The following LARP1 variants were observed in gnomAD, a reference collection of about 807,000 sequenced individuals.
The protein encoded by LARP1 is la-related protein 1.
LARP1 carries 36 observed loss-of-function variants against 122.7 expected under a neutral mutation model. The ratio of observed to expected loss-of-function variants is 0.29; its 90% confidence interval spans 0.22 to 0.39. The LOEUF (loss-of-function observed/expected upper bound fraction) is 0.39, where lower values mean the gene tolerates loss of function less well. Among genes scored for constraint, LARP1 ranks in the 10% least tolerant of loss-of-function variants. The pLI is 1.00. For synonymous variants in LARP1, 539 were observed against 528.7 expected (o/e 1.02, Z -0.27); for missense variants, 1,040 against 1,403.6 (o/e 0.74, Z 4.14).
In LARP1 at chr5:154,781,769, G is replaced by A. The variant is rs1293927846; in HGVS notation, c.437-8556G>A. 3.9e-5 allele frequency among the ~76,000 whole-genome samples: 6 copies of A among 152,082 alleles called. No homozygotes were observed. The East Asian group carries it at 9.6e-4, about 24-fold the overall frequency. Reference sequence around the variant, plus strand: ...TTTTCTTGCAATTTTTGTTTTTTAGGTTCATCAGCTATCATTAGTGTTAGT... The same window carrying A: ...TTTTCTTGCAATTTTTGTTTTTTAGATTCATCAGCTATCATTAGTGTTAGT... On this transcript the variant is annotated intron_variant, in intron 1 of 18. Coordinates refer to ENST00000518297, the MANE Select transcript of LARP1 (RefSeq NM_033551.3).
At chr5:154,780,849 G>A (rs1043060234) in intron 1 of LARP1, among the ~76,000 whole-genome samples, 5 of 151,636 alleles carry the variant, frequency 3.3e-5, no homozygotes, top group Non-Finnish European at 7.4e-5. Flanking sequence ...ATCACTTGAG[G>A]TCAGGAGTTC....
At chr5:154,790,553 T>A in intron 2 of LARP1, 92 bp from the exon 3 acceptor site, 1 of 1,412,834 alleles carries the variant, frequency 7.1e-7, no homozygotes, top group Non-Finnish European at 1.0e-6. Flanking sequence ...CAGACTGATT[T>A]GGCCTCTGAT....
intron 1 of LARP1, among the ~76,000 whole-genome samples, chr5:154,773,976 A>T (rs1004693290): frequency 1.8e-4 from 28 of 152,260 alleles, no homozygotes; most frequent in African/African-American, 6.7e-4. Context: ...TAGTGTGGGC[A>T]CAAGTGCCTC....
intron 1 of LARP1, among the ~76,000 whole-genome samples, chr5:154,722,260 C>T (rs1755918579): frequency 6.6e-6 from 1 of 152,190 alleles, no homozygotes; most frequent in Non-Finnish European, 1.5e-5. Flanking sequence ...CCTCCTCCTG[C>T]AGGGAGGCTG....
In LARP1 at chr5:154,788,850, A is replaced by G. The variant is rs1052267540; in HGVS notation, c.437-1475A>G. Among the ~76,000 whole-genome samples the G allele has an allele frequency of 6.6e-5, 10 of 152,272 alleles. No homozygotes were observed. The South Asian group carries it at 1.9e-3, about 28-fold the overall frequency. ...TTATGTTTAATTTCTGATAGTTCTT[A>G]CATGTCGTTCTAGAGTTTGTACTGT... On this transcript the variant is annotated intron_variant, in intron 1 of 18. Coordinates refer to ENST00000518297, the MANE Select transcript of LARP1 (RefSeq NM_033551.3).
chr5:154,775,061 C>T (rs1040327925), intron 1 of LARP1, among the ~76,000 whole-genome samples: 4 of 152,084 alleles, frequency 2.6e-5, no homozygotes, highest in East Asian at 1.9e-4. Context: ...GTAATCCCAG[C>T]GCTTTGGGAA....
chr5:154,746,963 C>T (rs181257555), intron 1 of LARP1, among the ~76,000 whole-genome samples: 124 of 152,206 alleles, frequency 8.1e-4, no homozygotes, highest in African/African-American at 2.5e-3. Context: ...GGTGAAACTC[C>T]GTCTCTACTA....
At chr5:154,710,216 C>T (rs1755148292), upstream of LARP1, among the ~76,000 whole-genome samples, 1 of 152,166 alleles carries the variant, frequency 6.6e-6, no homozygotes, top group Non-Finnish European at 1.5e-5. Context: ...AGTTGGGGAC[C>T]TCTGCACTAA....
At chr5:154,726,271 G>A (rs1337583331) in intron 1 of LARP1, among the ~76,000 whole-genome samples, 2 of 152,208 alleles carry the variant, frequency 1.3e-5, no homozygotes, top group Non-Finnish European at 2.9e-5. Flanking sequence ...GTACTTAGGT[G>A]TAAATGCCTA....
chr5:154,690,606 A>G (rs994038284), intron 1 of LARP1, among the ~76,000 whole-genome samples: 1 of 152,212 alleles, frequency 6.6e-6, no homozygotes, highest in African/African-American at 2.4e-5. Flanking sequence ...GAGACCCGCC[A>G]CTACCTCCAC....
chr5:154,768,200 A>G (rs1005517834), intron 1 of LARP1, among the ~76,000 whole-genome samples: 25 of 152,166 alleles, frequency 1.6e-4, no homozygotes, highest in Non-Finnish European at 1.5e-5. Flanking sequence ...GTTCCTTGAC[A>G]TGGTAATATT....
At chr5:154,702,336 A>G (rs1046190238) in intron 1 of LARP1, among the ~76,000 whole-genome samples, 5 of 151,978 alleles carry the variant, frequency 3.3e-5, no homozygotes, top group Non-Finnish European at 7.4e-5. Flanking sequence ...TGGGCGAATC[A>G]CCTGAGGTCA....
intron 1 of LARP1, among the ~76,000 whole-genome samples, chr5:154,719,746 C>A (rs1755740449): frequency 6.6e-6 from 1 of 151,590 alleles, no homozygotes; most frequent in Non-Finnish European, 1.5e-5. Context: ...CCTGTAATCC[C>A]AGCTACACAG....
rs895399415 is a variant in LARP1 at position 154,794,282 on chromosome 5, C to T, written c.1232+20C>T. 6.2e-7 allele frequency: 1 copy of T among 1,609,774 alleles called. No individual in the cohort carries two copies. On this transcript the variant is annotated intron_variant, in intron 7 of 18. Coordinates refer to ENST00000518297, the MANE Select transcript of LARP1 (RefSeq NM_033551.3). ...CCAGATGTGAGTGTGCGGAAGCCTT[C>T]TTACCCTGGAGAAATGAGTGAGAGG... is the stretch of plus-strand genomic sequence containing the variant.
intron 1 of LARP1, among the ~76,000 whole-genome samples, chr5:154,743,248 T>C (rs1166914156): frequency 6.6e-6 from 1 of 152,104 alleles, no homozygotes; most frequent in East Asian, 1.9e-4. Context: ...AAATGCTAGC[T>C]ATTGTCATTA....
At chr5:154,722,905 T>C (rs1467940329) in intron 1 of LARP1, among the ~76,000 whole-genome samples, 3 of 152,150 alleles carry the variant, frequency 2.0e-5, no homozygotes, top group African/African-American at 7.2e-5. Context: ...GGTCTCAAAC[T>C]CCTGACCTCA....
At chr5:154,777,023 G>A (rs1755948620) in intron 1 of LARP1, among the ~76,000 whole-genome samples, 1 of 152,184 alleles carries the variant, frequency 6.6e-6, no homozygotes, top group Non-Finnish European at 1.5e-5. Context: ...TGTGTCATTA[G>A]TTGATTTTGT....
At chr5:154,723,549 G>C (rs1033368996) in intron 1 of LARP1, among the ~76,000 whole-genome samples, 1 of 152,138 alleles carries the variant, frequency 6.6e-6, no homozygotes, top group Admixed American at 6.6e-5. Context: ...GAAGATACAG[G>C]TTCTAGTTCT....
chr5:154,804,924 G>A (rs986910405), intron 14 of LARP1: 13 of 456,136 alleles, frequency 2.9e-5, no homozygotes, highest in Admixed American at 1.4e-4. Context: ...TTTGAACAAC[G>A]AAGGGCGTGG....
Sources: allele counts gnomAD v4.1 joint callset (sites outside exome capture counted in the v4.1 genomes callset), GRCh38; gene constraint gnomAD v4.1.1; transcripts MANE v1.5; gene names NCBI Gene and HGNC (gene_info 2026-07-23, HGNC 2026-07-21).